LRP6: variants seen among roughly 807,000 people sequenced by gnomAD.
LRP6 encodes low-density lipoprotein receptor-related protein 6.
Under a neutral mutation model 184.1 loss-of-function variants are expected in LRP6, and 43 were observed. The observed-to-expected ratio is 0.23, with a 90% CI of 0.18 to 0.30. The LOEUF (loss-of-function observed/expected upper bound fraction) is 0.30, where lower values mean the gene tolerates loss of function less well. Ranked by LOEUF, LRP6 falls within the 10% of genes least tolerant of loss-of-function variation. The probability of loss-of-function intolerance (pLI) is 1.00; values close to 1 mark genes in which losing one functional copy is unlikely to be tolerated. For synonymous variants in LRP6, 719 were observed against 684.9 expected (o/e 1.05, Z -0.78); for missense variants, 1,571 against 2,005.3 (o/e 0.78, Z 4.14).
At chr12:12,265,948 G>C (rs1865745562) in intron 1 of LRP6, among the ~76,000 whole-genome samples, 1 of 151,948 alleles carries the variant, frequency 6.6e-6, no homozygotes, top group African/African-American at 2.4e-5. Context: ...TCCCAGGACC[G>C]GCTCCTCTTC....
intron 3 of LRP6, among the ~76,000 whole-genome samples, chr12:12,190,715 G>C (rs942347540): frequency 3.9e-5 from 6 of 152,210 alleles, no homozygotes; most frequent in African/African-American, 1.4e-4. Flanking sequence ...ACTTGTGTGA[G>C]TAATAAATCT....
At chr12:12,126,613 A>G in intron 20 of LRP6, 78 bp downstream of exon 20, 3 of 1,062,020 alleles carry the variant, frequency 2.8e-6, no homozygotes, top group Non-Finnish European at 4.4e-6. Flanking sequence ...GACTCTAGGT[A>G]GTATTCTTTT....
At chr12:12,220,342 CA>C (rs2135868663) in intron 2 of LRP6, among the ~76,000 whole-genome samples, 1 of 151,548 alleles carries the variant, frequency 6.6e-6, no homozygotes, top group African/African-American at 2.4e-5. Flanking sequence ...ACACTGACAA[CA>C]GTTTTAGGAG....
At chr12:12,257,234 T>C (rs938166090) in intron 1 of LRP6, among the ~76,000 whole-genome samples, 5 of 152,062 alleles carry the variant, frequency 3.3e-5, no homozygotes, top group East Asian at 3.9e-4. Context: ...CATTGTAAAA[T>C]GGAGATTTTT....
chr12:12,138,590 T>C, intron 15 of LRP6, 56 bp from the exon 16 acceptor site: 3 of 1,486,636 alleles, frequency 2.0e-6, no homozygotes, highest in Non-Finnish European at 2.8e-6. Context: ...GTTATACTTT[T>C]GGTAATTATT....
At chr12:12,180,089 T>C (rs1026937107) in intron 6 of LRP6, 108 bp from the exon 7 acceptor site, 9 of 852,124 alleles carry the variant, frequency 1.1e-5, no homozygotes, top group Non-Finnish European at 1.7e-5. Flanking sequence ...CATCAGTTAA[T>C]GCCAAGGAAG....
intron 12 of LRP6, chr12:12,155,754 C>T: frequency 3.1e-6 from 3 of 975,742 alleles, no homozygotes; most frequent in Non-Finnish European, 5.0e-6. Flanking sequence ...AACCTATTCC[C>T]TATGAATTCA....
In LRP6 at chr12:12,168,281, A is replaced by C. The variant is rs371730802; in HGVS notation, c.1546-2986T>G. Among the ~76,000 whole-genome samples, 15 of 152,292 alleles carry C rather than the reference A, an allele frequency of 9.8e-5. No homozygotes were observed. In the South Asian group the frequency reaches 3.1e-3, roughly 32 times the overall value. ...ATATTTACATTAAAATTACACACAT[A>C]TCCCCTCTCTGTAAGTAATCAGGAA... On this transcript the variant is annotated intron_variant, in intron 7 of 22. Coordinates refer to ENST00000261349, the MANE Select transcript of LRP6 (RefSeq NM_002336.3).
chr12:12,198,079 C>T (rs1479729479), intron 3 of LRP6, among the ~76,000 whole-genome samples: 2 of 152,130 alleles, frequency 1.3e-5, no homozygotes, highest in African/African-American at 4.8e-5. Flanking sequence ...CCACCATGCT[C>T]GGCTAATTTT....
At chr12:12,195,356 G>A (rs1284959707) in intron 3 of LRP6, among the ~76,000 whole-genome samples, 2 of 151,854 alleles carry the variant, frequency 1.3e-5, no homozygotes, top group Non-Finnish European at 1.5e-5. Context: ...ATTCTTGACC[G>A]TATTATTTTT....
intron 15 of LRP6, among the ~76,000 whole-genome samples, chr12:12,143,871 T>C (rs565186623): frequency 6.6e-6 from 1 of 152,250 alleles, no homozygotes; most frequent in Admixed American, 6.5e-5. Flanking sequence ...CAAGTTTTTT[T>C]AACATGGATA....
chr12:12,235,598 C>T (rs888144276), intron 2 of LRP6, among the ~76,000 whole-genome samples: 18 of 152,060 alleles, frequency 1.2e-4, no homozygotes, highest in South Asian at 4.2e-4. Flanking sequence ...GGCATAGTGG[C>T]GCATGCCTGT....
intron 15 of LRP6, among the ~76,000 whole-genome samples, chr12:12,140,546 C>T (rs1949914361): frequency 6.6e-6 from 1 of 151,394 alleles, no homozygotes. Flanking sequence ...AACCTAGTAA[C>T]CAGTTCAATG....
At chr12:12,138,241 CAG>C (rs904237931) in intron 16 of LRP6, 82 bp downstream of exon 16, 8 of 1,290,032 alleles carry the variant, frequency 6.2e-6, no homozygotes, top group African/African-American at 5.9e-5. Context: ...TTCAAGGAAA[CAG>C]AGTTTAAAAA....
rs139753414 is a variant in LRP6 at position 12,164,534 on chromosome 12, C to T, written c.1791G>A (p.Gly597=). The change falls in exon 9 of 23, where the codon GGG becomes GGA. Residue 597 remains glycine, a synonymous_variant. Coordinates refer to ENST00000261349, the MANE Select transcript of LRP6 (RefSeq NM_002336.3). ...TATAGAGGCAGAGATGGCTACATCCCCCGTTTTCCTCAGCACAGGGGTTGG... is the reference window on the plus strand; with the variant it reads ...TATAGAGGCAGAGATGGCTACATCCTCCGTTTTCCTCAGCACAGGGGTTGG... ...IGSNPCAEEN[G]GCSHLCLYRP... The T allele has an allele frequency of 9.7e-5, 157 of 1,614,068 alleles. No homozygotes were observed. In the African/African-American group the frequency reaches 1.7e-3, roughly 17 times the overall value.
intron 22 of LRP6, 72 bp from the exon 23 acceptor site, chr12:12,121,492 G>A: frequency 7.3e-7 from 1 of 1,369,232 alleles, no homozygotes; most frequent in South Asian, 1.2e-5. Flanking sequence ...TCAGAATAGA[G>A]GTATTAGATG....
intron 15 of LRP6, among the ~76,000 whole-genome samples, chr12:12,143,670 T>C (rs1017872623): frequency 3.3e-5 from 5 of 151,900 alleles, no homozygotes; most frequent in African/African-American, 1.2e-4. Context: ...AATCCAACAG[T>C]AATGTGGAAA....
chr12:12,249,194 A>T, intron 1 of LRP6: 1 of 754,050 alleles, frequency 1.3e-6, no homozygotes, highest in South Asian at 1.5e-5. Context: ...GCCTTAAAAT[A>T]AAATGTGGAC....
At chr12:12,161,018 G>T (rs1163488912) in intron 10 of LRP6, among the ~76,000 whole-genome samples, 2 of 152,186 alleles carry the variant, frequency 1.3e-5, no homozygotes, top group Non-Finnish European at 2.9e-5. Context: ...CTTGTCATTT[G>T]ACAGGCATGT....
Sources: allele counts gnomAD v4.1 joint callset (sites outside exome capture counted in the v4.1 genomes callset), GRCh38; gene constraint gnomAD v4.1.1; transcripts MANE v1.5; gene names NCBI Gene and HGNC (gene_info 2026-07-23, HGNC 2026-07-21).